The following PDE3B variants were observed in gnomAD, a reference collection of about 807,000 sequenced individuals.
PDE3B encodes the protein cGMP-inhibited 3',5'-cyclic phosphodiesterase 3B.
A neutral mutation model predicts 116.8 loss-of-function variants in PDE3B; 66 were observed. The ratio of observed to expected loss-of-function variants is 0.56; its 90% CI spans 0.46 to 0.69. The LOEUF (loss-of-function observed/expected upper bound fraction) is 0.69. Ranked by LOEUF, PDE3B falls within the 30% of genes least tolerant of loss-of-function variation. The pLI, the probability that PDE3B is intolerant of heterozygous loss-of-function variation, is 0.00. For missense variants in PDE3B, 1,384 were observed against 1,368.1 expected (o/e 1.01, Z -0.18); for synonymous variants, 595 against 533.6 (o/e 1.12, Z -1.59).
intron 1 of PDE3B, among the ~76,000 whole-genome samples, chr11:14,715,063 A>G (rs914868644): frequency 6.6e-6 from 1 of 152,196 alleles, no homozygotes; most frequent in African/African-American, 2.4e-5. Context: ...CATTCCAAAT[A>G]AAGATTGTAT....
intron 1 of PDE3B, among the ~76,000 whole-genome samples, chr11:14,707,940 A>G (rs759920584): frequency 4.6e-5 from 7 of 152,098 alleles, no homozygotes; most frequent in African/African-American, 1.7e-4. Flanking sequence ...AGTAGATTAG[A>G]AAAGTATACC....
Position 14,714,322 on chromosome 11 carries a change from G to A in PDE3B, c.979-57615G>A, listed in dbSNP as rs189969996. On this transcript the variant is annotated intron_variant, in intron 1 of 15. Coordinates refer to ENST00000282096, the MANE Select transcript of PDE3B (RefSeq NM_000922.4). ...CATTCTTCCCTTGGCCCTATTTTTA[G>A]CTTGCTTTTCTCTTAGTGGACCTAA... 2.6e-3 allele frequency among the ~76,000 whole-genome samples: 388 copies of A among 152,030 alleles called. 1 individual carries two copies. Among genetic ancestry groups the A allele is most frequent in the African/African-American group, 8.9e-3 (369 of 41,456 alleles).
the PDE3B span, chr11:14,892,105 C>T: frequency 1.2e-6 from 2 of 1,611,860 alleles, no homozygotes; most frequent in Admixed American, 1.7e-5. Context: ...CATCGGCCGC[C>T]TCTGCTTCAG....
chr11:14,703,955 A>AG (rs1253237346), intron 1 of PDE3B, among the ~76,000 whole-genome samples: 1 of 151,564 alleles, frequency 6.6e-6, no homozygotes, highest in Non-Finnish European at 1.5e-5. Context: ...AATTCTGACA[A>AG]GTCTGTTTTG....
rs756051837 is a variant in PDE3B at position 14,644,612 on chromosome 11, C to T, written c.537C>T (p.Gly179=). 4 of 1,538,864 alleles carry T rather than the reference C, an allele frequency of 2.6e-6. No homozygotes were observed. The highest frequency in any genetic ancestry group is 3.5e-6 in the Non-Finnish European group (4 of 1,145,552). The change falls in exon 1 of 16, where the codon GGC becomes GGT. Residue 179 remains glycine (G), a synonymous_variant. Transcript: ENST00000282096. ...WQWWSWPWGD[G]DAGSAAPHTP... ...GGTGGTCTTGGCCTTGGGGGGATGG[C>T]GACGCAGGGTCCGCGGCCCCGCACA...
At chr11:14,827,867 A>G (rs1859747716) in intron 7 of PDE3B, among the ~76,000 whole-genome samples, 1 of 152,236 alleles carries the variant, frequency 6.6e-6, no homozygotes, top group African/African-American at 2.4e-5. Context: ...AGGCAATCCT[A>G]AGCAAAAAGA....
At chr11:14,768,361 T>C (rs1857553311) in intron 1 of PDE3B, among the ~76,000 whole-genome samples, 1 of 151,598 alleles carries the variant, frequency 6.6e-6, no homozygotes, top group Non-Finnish European at 1.5e-5. Context: ...CACTTCTTTT[T>C]CTTTTAGAGA....
chr11:14,887,163 A>T, the PDE3B span: 1 of 152,266 alleles, frequency 6.6e-6, no homozygotes, highest in African/African-American at 2.4e-5. Flanking sequence ...TAGCAGAGAC[A>T]ATAAAAAGAT....
At chr11:14,810,456 T>G (rs993226230) in intron 5 of PDE3B, among the ~76,000 whole-genome samples, 1 of 152,138 alleles carries the variant, frequency 6.6e-6, no homozygotes, top group Non-Finnish European at 1.5e-5. Context: ...CTGAGAATGA[T>G]GATTTCCAAT....
intron 1 of PDE3B, among the ~76,000 whole-genome samples, chr11:14,763,673 GCA>G (rs1565126388): frequency 6.6e-6 from 1 of 152,118 alleles, no homozygotes. Context: ...GTAGGCTGGA[GCA>G]CAGACAGTTC....
chr11:14,828,512 C>T (rs1320013629), intron 7 of PDE3B, among the ~76,000 whole-genome samples: 1 of 152,102 alleles, frequency 6.6e-6, no homozygotes, highest in East Asian at 1.9e-4. Flanking sequence ...TATGAACAGA[C>T]AATTTGCAAA....
At chr11:14,886,381 G>A in the PDE3B span, 2 of 168,078 alleles carry the variant, frequency 1.2e-5, no homozygotes, top group African/African-American at 4.8e-5. Flanking sequence ...GGAGAGGATT[G>A]TCAAATACCT....
chr11:14,848,572 T>C (rs1305224854), intron 12 of PDE3B, among the ~76,000 whole-genome samples: 2 of 152,258 alleles, frequency 1.3e-5, no homozygotes, highest in East Asian at 3.9e-4. Context: ...GATGACATGA[T>C]TGTATATCTA....
chr11:14,654,787 TACACACACACACACACACACACACAC>T (rs59557281), intron 1 of PDE3B, among the ~76,000 whole-genome samples: 1 of 141,984 alleles, frequency 7.0e-6, no homozygotes. Flanking sequence ...AGCAGCTGTC[TACACACACACACACACACACACACAC>T]ACACACACAC....
intron 6 of PDE3B, 93 bp downstream of exon 6, chr11:14,818,486 TTAAGC>T (rs1859403948): frequency 2.7e-6 from 2 of 747,900 alleles, no homozygotes; most frequent in Non-Finnish European, 4.5e-6. Context: ...AACTCCAGCT[TTAAGC>T]TAAATGACCA....
intron 7 of PDE3B, among the ~76,000 whole-genome samples, chr11:14,824,103 TCTC>T (rs1859612116): frequency 1.3e-5 from 2 of 152,152 alleles, no homozygotes; most frequent in African/African-American, 2.4e-5. Context: ...GGTCCTCACT[TCTC>T]CTCTCAACCT....
chr11:14,650,195 A>G (rs1304441428), intron 1 of PDE3B, among the ~76,000 whole-genome samples: 1 of 149,246 alleles, frequency 6.7e-6, no homozygotes, highest in Non-Finnish European at 1.5e-5. Flanking sequence ...ACTTGCATTC[A>G]GCAATGTTTT....
chr11:14,725,429 C>T (rs1412984938), intron 1 of PDE3B, among the ~76,000 whole-genome samples: 5 of 137,402 alleles, frequency 3.6e-5, no homozygotes, highest in African/African-American at 1.4e-4. Flanking sequence ...TCCCTTCCTT[C>T]CTTCCTTCCC....
intron 1 of PDE3B, among the ~76,000 whole-genome samples, chr11:14,712,149 G>T (rs933039015): frequency 7.2e-5 from 11 of 152,216 alleles, no homozygotes; most frequent in South Asian, 6.2e-4. Context: ...GCGGTAATGC[G>T]ATCATAGCTC....
Sources: allele counts gnomAD v4.1 joint callset (sites outside exome capture counted in the v4.1 genomes callset), GRCh38; gene constraint gnomAD v4.1.1; transcripts MANE v1.5; gene names NCBI Gene and HGNC (gene_info 2026-07-23, HGNC 2026-07-21).